The following PLCZ1 variants were observed in gnomAD, a reference collection of about 807,000 sequenced individuals.
PLCZ1 encodes the protein phospholipase C zeta 1.
Under a neutral mutation model 76.8 loss-of-function variants are expected in PLCZ1, and 64 were observed. That is an observed-to-expected ratio of 0.83 (90% CI 0.68 to 1.03). The LOEUF is 1.03. PLCZ1 is among the 50% of genes least tolerant of loss of function. The pLI, the probability that PLCZ1 is intolerant of heterozygous loss-of-function variation, is 0.00. For synonymous variants in PLCZ1, 248 were observed against 230.8 expected (o/e 1.07, Z -0.68); for missense variants, 751 against 713.7 (o/e 1.05, Z -0.60).
downstream of PLCZ1, among the ~76,000 whole-genome samples, chr12:18,683,004 A>G (rs566156964): frequency 1.7e-4 from 26 of 152,148 alleles, no homozygotes; most frequent in South Asian, 5.2e-3. Context: ...TCAGCAGCAG[A>G]AGGGCAGGAG....
chr12:18,671,202 A>AG, the PLCZ1 span, among the ~76,000 whole-genome samples: 3 of 150,464 alleles, frequency 2.0e-5, no homozygotes, highest in African/African-American at 7.3e-5. Context: ...AAAAAAAAAA[A>AG]GAAAGAAAGA....
At chr12:18,669,000 C>T in the PLCZ1 span, among the ~76,000 whole-genome samples, 1 of 152,088 alleles carries the variant, frequency 6.6e-6, no homozygotes, top group Non-Finnish European at 1.5e-5. Context: ...ATTTCCCCCG[C>T]TGAGCAAAAG....
chr12:18,652,019 T>C, the PLCZ1 span, among the ~76,000 whole-genome samples: 1 of 152,168 alleles, frequency 6.6e-6, no homozygotes, highest in East Asian at 1.9e-4. Flanking sequence ...ATAAAACATA[T>C]TTTCTTTGTT....
chr12:18,722,143 C>T (rs1480530595), intron 4 of PLCZ1, among the ~76,000 whole-genome samples: 1 of 152,180 alleles, frequency 6.6e-6, no homozygotes, highest in South Asian at 2.1e-4. Context: ...GCTCAAATCT[C>T]ACACTCTCAG....
the PLCZ1 span, among the ~76,000 whole-genome samples, chr12:18,650,696 G>GTATA: frequency 9.2e-5 from 4 of 43,704 alleles, 1 homozygote; most frequent in Non-Finnish European, 1.4e-4. Context: ...GTGTGTGTGT[G>GTATA]TGTGTGTGTA....
chr12:18,677,954 A>G, the PLCZ1 span, among the ~76,000 whole-genome samples: 2 of 152,066 alleles, frequency 1.3e-5, no homozygotes, highest in African/African-American at 4.8e-5. Context: ...GTGTGGATGC[A>G]CATAAATGTA....
chr12:18,724,353 T>C (rs1335747066), intron 3 of PLCZ1, among the ~76,000 whole-genome samples: 2 of 152,086 alleles, frequency 1.3e-5, no homozygotes, highest in African/African-American at 4.8e-5. Flanking sequence ...CAAGAATGAC[T>C]GGGGTCAGGG....
At chr12:18,720,776 A>G (rs1228778318) in intron 4 of PLCZ1, among the ~76,000 whole-genome samples, 1 of 152,094 alleles carries the variant, frequency 6.6e-6, no homozygotes, top group Non-Finnish European at 1.5e-5. Context: ...AAGAATGCTC[A>G]CATTAGCATT....
chr12:18,717,153 T>C (rs1299742789), intron 5 of PLCZ1, among the ~76,000 whole-genome samples: 1 of 152,050 alleles, frequency 6.6e-6, no homozygotes, highest in Non-Finnish European at 1.5e-5. Flanking sequence ...AAATTTGCAG[T>C]TGGGTGAAAC....
At chr12:18,734,937 T>A (rs368284754) in intron 3 of PLCZ1, among the ~76,000 whole-genome samples, 14 of 152,324 alleles carry the variant, frequency 9.2e-5, no homozygotes, top group East Asian at 7.7e-4. Context: ...GTTCCTTTTA[T>A]ACTTAATTTA....
chr12:18,704,500 A>AT (rs1956345677), intron 7 of PLCZ1, among the ~76,000 whole-genome samples: 2 of 151,914 alleles, frequency 1.3e-5, no homozygotes, highest in African/African-American at 4.8e-5. Flanking sequence ...TAATTTTTGT[A>AT]TTTTTAGTAG....
At chr12:18,735,392 G>A (rs75437420) in intron 3 of PLCZ1, among the ~76,000 whole-genome samples, 4,668 of 151,932 alleles carry the variant, frequency 0.031, 230 homozygotes, top group African/African-American at 0.11. Flanking sequence ...GCTTTTCTTC[G>A]TTGGGCAGTT....
intron 5 of PLCZ1, among the ~76,000 whole-genome samples, chr12:18,717,407 AT>A (rs1386634139): frequency 6.6e-6 from 1 of 152,148 alleles, no homozygotes; most frequent in Non-Finnish European, 1.5e-5. Flanking sequence ...TATGTTTGAT[AT>A]TATCTTGGAA....
At chr12:18,659,726 A>T in the PLCZ1 span, among the ~76,000 whole-genome samples, 1 of 143,662 alleles carries the variant, frequency 7.0e-6, no homozygotes, top group Non-Finnish European at 1.5e-5. Flanking sequence ...CACAACGTGC[A>T]GGTTTGTTAA....
the PLCZ1 span, among the ~76,000 whole-genome samples, chr12:18,668,273 G>C: frequency 4.5e-3 from 680 of 152,294 alleles, 5 homozygotes; most frequent in African/African-American, 0.015. Flanking sequence ...TTTTCATTAA[G>C]TATTTACATG....
chr12:18,733,889 C>A (rs1441381703), intron 3 of PLCZ1, among the ~76,000 whole-genome samples: 4 of 152,092 alleles, frequency 2.6e-5, no homozygotes, highest in African/African-American at 7.2e-5. Flanking sequence ...ATTTGGAAAC[C>A]AAAAATTGTG....
At chr12:18,737,607 C>A (rs1959526394) in intron 1 of PLCZ1, 98 bp from the exon 2 acceptor site, 1 of 633,600 alleles carries the variant, frequency 1.6e-6, no homozygotes, top group African/African-American at 1.8e-5. Flanking sequence ...AGATGTGGTA[C>A]CTGCACTACC....
At chr12:18,689,033 G>C (rs1953643332) in intron 12 of PLCZ1, among the ~76,000 whole-genome samples, 1 of 152,100 alleles carries the variant, frequency 6.6e-6, no homozygotes, top group Non-Finnish European at 1.5e-5. Flanking sequence ...ACTAATGTGT[G>C]ATTTTTCCTA....
chr12:18,684,822 A>C (rs954655620), intron 13 of PLCZ1, among the ~76,000 whole-genome samples: 2 of 152,022 alleles, frequency 1.3e-5, no homozygotes, highest in Non-Finnish European at 2.9e-5. Flanking sequence ...TTAGGAAGAC[A>C]CCTGGTAGAA....
Sources: allele counts gnomAD v4.1 joint callset (sites outside exome capture counted in the v4.1 genomes callset), GRCh38; gene constraint gnomAD v4.1.1; transcripts MANE v1.5; gene names NCBI Gene and HGNC (gene_info 2026-07-23, HGNC 2026-07-21).